The following TBCD variants were observed in gnomAD, a reference collection of about 807,000 sequenced individuals.
TBCD encodes tubulin-specific chaperone D.
Under a neutral mutation model 169.3 loss-of-function variants are expected in TBCD, and 105 were observed. The observed-to-expected ratio is 0.62, with a 90% CI of 0.53 to 0.73. The LOEUF is 0.73. TBCD is among the 30% of genes least tolerant of loss of function. The probability of loss-of-function intolerance (pLI) is 0.00; values close to 1 mark genes in which losing one functional copy is unlikely to be tolerated. For missense variants in TBCD, 1,444 were observed against 1,600.1 expected (o/e 0.90, Z 1.66); for synonymous variants, 700 against 643.9 (o/e 1.09, Z -1.32).
intron 34 of TBCD, among the ~76,000 whole-genome samples, chr17:82,936,264 T>C (rs2062616604): frequency 6.6e-6 from 1 of 152,270 alleles, no homozygotes; most frequent in African/African-American, 2.4e-5. Flanking sequence ...TAAATGACTT[T>C]TAACTGTGAT....
intron 15 of TBCD, among the ~76,000 whole-genome samples, chr17:82,888,607 GC>G (rs1053610899): frequency 6.6e-4 from 100 of 152,316 alleles, no homozygotes; most frequent in African/African-American, 2.3e-3. Context: ...CTCCAGCCCA[GC>G]CCAGGGGTCT....
At chr17:82,841,395 G>A (rs1056962528) in intron 13 of TBCD, among the ~76,000 whole-genome samples, 1 of 151,068 alleles carries the variant, frequency 6.6e-6, no homozygotes, top group Non-Finnish European at 1.5e-5. Flanking sequence ...ACGGTTCACT[G>A]TAGCCTCAAC....
intron 2 of TBCD, among the ~76,000 whole-genome samples, chr17:82,763,325 TTGTC>T (rs1170704739): frequency 6.6e-6 from 1 of 152,252 alleles, no homozygotes; most frequent in Non-Finnish European, 1.5e-5. Flanking sequence ...GACATTTACT[TTGTC>T]TGATATTAAC....
rs1355585828 is a variant in TBCD at position 82,859,779 on chromosome 17, C to T, written c.1319-10445C>T. 3 of 985,340 alleles carry T rather than the reference C, an allele frequency of 3.0e-6. No individual in the cohort carries two copies. In the African/African-American group the frequency reaches 5.2e-5, roughly 17 times the overall value. The allele number at this position is 985,340 out of a possible 1,614,324, so 61.0% of individuals were successfully genotyped here. A position where few individuals can be genotyped will look rare whatever the true frequency, so the allele number is the denominator to read the frequency against. On this transcript the variant is annotated intron_variant, in intron 13 of 38. Transcript: ENST00000355528. ...AGACTCACCCTGAATAAAGTGTCTTCAGAGCCACCTGTCCTGCCTGTTCAT... is the reference window on the plus strand; with the variant it reads ...AGACTCACCCTGAATAAAGTGTCTTTAGAGCCACCTGTCCTGCCTGTTCAT...
chr17:82,845,514 T>C (rs1257257256), intron 13 of TBCD, among the ~76,000 whole-genome samples: 10 of 133,158 alleles, frequency 7.5e-5, no homozygotes, highest in Admixed American at 7.2e-4. Context: ...TTCCTCTCCG[T>C]CCTGTCCAGC....
At chr17:82,844,872 G>T (rs1450248457) in intron 13 of TBCD, among the ~76,000 whole-genome samples, 2 of 152,274 alleles carry the variant, frequency 1.3e-5, no homozygotes, top group Non-Finnish European at 2.9e-5. Context: ...TGCATCACCT[G>T]CACTGGTCCA....
At chr17:82,800,741 G>T (rs1008229333) in intron 8 of TBCD, 123 bp from the exon 9 acceptor site, 16 of 1,187,282 alleles carry the variant, frequency 1.3e-5, no homozygotes, top group Middle Eastern at 2.8e-4. Flanking sequence ...GATGATGGGG[G>T]TCTTGGTGAT....
chr17:82,765,405 C>CTG lies in TBCD; in HGVS notation c.334-859_334-858dup, dbSNP rs61026115. 1.6e-4 allele frequency among the ~76,000 whole-genome samples: 8 copies of CTG among 51,464 alleles called. 1 individual carries two copies. Among genetic ancestry groups the CTG allele is most frequent in the Admixed American group, 6.0e-4 (3 of 4,996 alleles). 33.8% of individuals were successfully genotyped at this position (51,464 alleles called of 152,430 possible). A position where few individuals can be genotyped will look rare whatever the true frequency, so the allele number is the denominator to read the frequency against. Reference sequence around the variant, plus strand: ...GCTTTTCTTACAAGCTTGCGGGTGTCTGTGCTCATAGTCTGCTTTTCTTAC... The same window carrying CTG: ...GCTTTTCTTACAAGCTTGCGGGTGTCTGTGTGCTCATAGTCTGCTTTTCTTAC... On this transcript the variant is annotated intron_variant, in intron 3 of 38. Coordinates refer to ENST00000355528, the MANE Select transcript of TBCD (RefSeq NM_005993.5).
Position 82,772,472 on chromosome 17 carries a change from C to G in TBCD, c.603C>G (p.Asp201Glu), listed in dbSNP as rs1248494841. 2 of 1,613,956 alleles carry G rather than the reference C, an allele frequency of 1.2e-6. No homozygotes were observed. Among genetic ancestry groups the G allele is most frequent in the South Asian group, 1.1e-5 (1 of 91,080 alleles). The change falls in exon 6 of 39, where the codon GAC becomes GAG. Residue 201 changes from aspartate to glutamate, a missense_variant. By Grantham distance (45) the Asp-to-Glu change is conservative. Transcript: ENST00000355528. ...QIAESYLIVS[D>E]KARDAAAVLV... ...TGCAGTCCTACTTGATTGTCAGTGA[C>G]AAGGCCCGAGATGCAGCTGCTGTCC... is the stretch of plus-strand genomic sequence containing the variant.
intron 8 of TBCD, among the ~76,000 whole-genome samples, chr17:82,799,907 G>A (rs917524370): frequency 1.3e-5 from 2 of 152,126 alleles, no homozygotes; most frequent in African/African-American, 2.4e-5. Flanking sequence ...TGAGTTAAAC[G>A]GCACCTCTGC....
intron 7 of TBCD, among the ~76,000 whole-genome samples, chr17:82,794,216 C>T (rs1260884945): frequency 1.3e-5 from 2 of 152,212 alleles, no homozygotes; most frequent in East Asian, 1.9e-4. Flanking sequence ...CCGAGTAGCT[C>T]GACAGCCTGT....
rs2049000636 is a variant in TBCD, at chr17:82,782,323, C to G, written c.771+602C>G. Among the ~76,000 whole-genome samples, 1 of 152,218 alleles carries G rather than the reference C, an allele frequency of 6.6e-6. No homozygotes were observed. Among genetic ancestry groups the G allele is most frequent in the Non-Finnish European group, 1.5e-5 (1 of 68,032 alleles). ...CTCTTTTGGGTCAGCGTCCTGGAGG[C>G]TGCAGCTCCCTGGTCAGCCTTCTGG... On this transcript the variant is annotated intron_variant, in intron 7 of 38. Coordinates refer to ENST00000355528, the MANE Select transcript of TBCD (RefSeq NM_005993.5). The surrounding 1 kb of genome is among the most constrained non-coding windows in gnomAD (Gnocchi z 5.1).
At chr17:82,763,817 G>A in intron 2 of TBCD, 148 bp from the exon 3 acceptor site, 1 of 682,706 alleles carries the variant, frequency 1.5e-6, no homozygotes, top group Non-Finnish European at 2.6e-6. Context: ...ATAGCTCATT[G>A]CCGCCTTGAA....
At chr17:82,778,850 C>T (rs1490227332) in intron 6 of TBCD, among the ~76,000 whole-genome samples, 5 of 151,638 alleles carry the variant, frequency 3.3e-5, no homozygotes, top group Non-Finnish European at 7.4e-5. Context: ...TTAGTAGAGA[C>T]GGGGTTTCAC....
intron 11 of TBCD, 24 bp downstream of exon 11, chr17:82,807,692 C>T (rs2051073809): frequency 1.4e-6 from 2 of 1,447,312 alleles, no homozygotes; most frequent in Non-Finnish European, 1.8e-6. Context: ...GCCGCAGAAG[C>T]ACCCCGGGGG....
In TBCD at chr17:82,865,166, G is replaced by GT. The variant is rs67484776; in HGVS notation, c.1319-5049dup. The stretch of plus-strand genomic sequence containing the variant: ...ACCTCCTAGCAAATTCAACACTGGC[G>GT]TTTTTTTTTCTGAGCAAGTTGAGCT... On this transcript the variant is annotated intron_variant, in intron 13 of 38. Coordinates refer to ENST00000355528, the MANE Select transcript of TBCD (RefSeq NM_005993.5). Among the ~76,000 whole-genome samples, 1,468 of 150,956 alleles carry GT rather than the reference G, an allele frequency of 9.7e-3. 17 individuals are homozygous for GT. The highest frequency in any genetic ancestry group is 0.059 in the Middle Eastern group (17 of 290).
At chr17:82,867,065 G>A (rs1425189142) in intron 13 of TBCD, among the ~76,000 whole-genome samples, 1 of 152,212 alleles carries the variant, frequency 6.6e-6, no homozygotes, top group Non-Finnish European at 1.5e-5. Context: ...TGACTACGAT[G>A]GTGCTAAAGA....
chr17:82,887,616 T>G (rs2058847348), intron 15 of TBCD, among the ~76,000 whole-genome samples: 1 of 152,174 alleles, frequency 6.6e-6, no homozygotes, highest in Admixed American at 6.5e-5. Flanking sequence ...AACTTCCATT[T>G]CTCTGGGTTA....
chr17:82,831,928 G>T lies in TBCD; in HGVS notation c.1318+16994G>T, dbSNP rs768666262. ...TAAAGCCAGTGTCTCGGGCGCCTCG[G>T]CGTTGTCTGGCCCCTTGAGTCTGTG... On this transcript the variant is annotated intron_variant, in intron 13 of 38. Coordinates refer to ENST00000355528, the MANE Select transcript of TBCD (RefSeq NM_005993.5). The surrounding 1 kb of genome is among the most constrained non-coding windows in gnomAD (Gnocchi z 4.6). 6.2e-7 allele frequency: 1 copy of T among 1,614,226 alleles called. No homozygotes were observed. The highest frequency in any genetic ancestry group is 2.2e-5 in the East Asian group (1 of 44,878).
Sources: gnomAD v4.1 joint callset for allele counts (sites outside exome capture counted in the v4.1 genomes callset) on GRCh38, gnomAD v4.1.1 for gene constraint, Gnocchi (gnomAD v3.1) non-coding constraint, MANE v1.5 for transcripts, NCBI Gene and HGNC (gene_info 2026-07-23, HGNC 2026-07-21) for gene names.